Variants in MAP2K5 observed in about 807,000 individuals in gnomAD.
The protein encoded by MAP2K5 is dual specificity mitogen-activated protein kinase kinase 5.
Under a neutral mutation model 83.1 loss-of-function variants are expected in MAP2K5, and 49 were observed. That is an observed-to-expected ratio of 0.59 (90% CI 0.47 to 0.75). The LOEUF is 0.75. MAP2K5 is among the 30% of genes least tolerant of loss of function. The pLI is 0.00. For synonymous variants in MAP2K5, 202 were observed against 191.8 expected (o/e 1.05, Z -0.44); for missense variants, 457 against 557.5 (o/e 0.82, Z 1.82).
At position 67,770,890 on chromosome 15, in the gene MAP2K5, T is replaced by G. The variant is rs1423158519; in HGVS notation, c.1196+1227T>G. On this transcript the variant is annotated intron_variant, in intron 20 of 21. Transcript: ENST00000178640. This position sits in a 1 kb window ranked among gnomAD's most constrained non-coding sequence, Gnocchi z 5.0. ...AATTTTTCTCCCCAATTAAAAAAAT[T>G]TTATTAACACTGTTTCTATTTATTT... is the stretch of plus-strand genomic sequence containing the variant. Among the ~76,000 whole-genome samples, 3 of 152,176 alleles carry G rather than the reference T, an allele frequency of 2.0e-5. No homozygotes were observed. Among genetic ancestry groups the G allele is most frequent in the Non-Finnish European group, 2.9e-5 (2 of 68,026 alleles).
At chr15:67,664,231 C>T (rs760382571) in intron 12 of MAP2K5, among the ~76,000 whole-genome samples, 11 of 151,048 alleles carry the variant, frequency 7.3e-5, no homozygotes, top group African/African-American at 2.2e-4. Context: ...TGGTGGCTTA[C>T]GCCTGTAATC....
chr15:67,680,110 A>G (rs1257740715), intron 13 of MAP2K5, among the ~76,000 whole-genome samples: 3 of 152,176 alleles, frequency 2.0e-5, no homozygotes, highest in Non-Finnish European at 2.9e-5. Flanking sequence ...TTCACTTAGC[A>G]TGATGTTTTT....
chr15:67,569,005 C>CAAAAAAAAAA (rs71142380), intron 3 of MAP2K5, among the ~76,000 whole-genome samples: 4 of 91,174 alleles, frequency 4.4e-5, no homozygotes, highest in African/African-American at 4.3e-5. Flanking sequence ...GACTCCATCT[C>CAAAAAAAAAA]AAAAAAAAAA....
In MAP2K5 at chr15:67,778,427, C is replaced by A. The variant is rs2090274480; in HGVS notation, c.1242+5675C>A. Among the ~76,000 whole-genome samples the A allele has an allele frequency of 1.3e-5, 2 of 152,230 alleles. No individual in the cohort carries two copies. The highest frequency in any genetic ancestry group is 4.8e-5 in the African/African-American group (2 of 41,510). ...CAAATGGCTTTGTTTCATTGTTAGA[C>A]CCAAATCTTCTGATCACTGTGAAAG... On this transcript the variant is annotated intron_variant, in intron 21 of 21. Coordinates refer to ENST00000178640, the MANE Select transcript of MAP2K5 (RefSeq NM_145160.3). The surrounding 1 kb of genome is among the most constrained non-coding windows in gnomAD (Gnocchi z 5.0).
rs892231284 is a variant in MAP2K5, at chr15:67,777,428, G to A, written c.1242+4676G>A. Among the ~76,000 whole-genome samples the A allele has an allele frequency of 3.3e-5, 5 of 152,264 alleles. No individual in the cohort carries two copies. The highest frequency in any genetic ancestry group is 4.4e-5 in the Non-Finnish European group (3 of 68,020). On this transcript the variant is annotated intron_variant, in intron 21 of 21. Transcript: ENST00000178640. This position sits in a 1 kb window ranked among gnomAD's most constrained non-coding sequence, Gnocchi z 6.0. ...ATCAGGTCAGAAGAAGCAGCATCCCGGTTTGAGATCAATCGCTGGCTAATA... is the reference window on the plus strand; with the variant it reads ...ATCAGGTCAGAAGAAGCAGCATCCCAGTTTGAGATCAATCGCTGGCTAATA...
At chr15:67,575,919 T>G (rs1472870447) in intron 3 of MAP2K5, among the ~76,000 whole-genome samples, 494 of 74,008 alleles carry the variant, frequency 6.7e-3, no homozygotes, top group Non-Finnish European at 9.2e-3. Context: ...TTTCTTTCTT[T>G]TTTTTTTTTT....
intron 12 of MAP2K5, 76 bp downstream of exon 12, chr15:67,658,690 C>T (rs2087152975): frequency 7.9e-7 from 1 of 1,266,946 alleles, no homozygotes; most frequent in Admixed American, 1.7e-5. Flanking sequence ...CTTATATTCT[C>T]AATGTTTTTT....
intron 15 of MAP2K5, 135 bp from the exon 16 acceptor site, chr15:67,703,200 CAT>C (rs2141215334): frequency 8.0e-6 from 5 of 623,570 alleles, no homozygotes; most frequent in South Asian, 3.7e-5. Context: ...TATATACACA[CAT>C]GTAAAATTGT....
At position 67,640,701 on chromosome 15, in the gene MAP2K5, A is replaced by G. The variant is rs1314188524; in HGVS notation, c.586-5530A>G. 4 of 412,962 alleles carry G rather than the reference A, an allele frequency of 9.7e-6. No individual in the cohort carries two copies. The highest frequency in any genetic ancestry group is 4.3e-5 in the African/African-American group (2 of 46,294). 25.6% of individuals were successfully genotyped at this position (412,962 alleles called of 1,614,324 possible). ...GAAAATCTGTTGCTTTTCCTACTCA[A>G]AATGTTTCTCATGTTATGCTTCTAA... On this transcript the variant is annotated intron_variant, in intron 9 of 21. Transcript: ENST00000178640. The surrounding 1 kb of genome is among the most constrained non-coding windows in gnomAD (Gnocchi z 4.6).
chr15:67,629,705 T>A (rs1014991396), intron 8 of MAP2K5, among the ~76,000 whole-genome samples: 3 of 151,860 alleles, frequency 2.0e-5, no homozygotes, highest in Non-Finnish European at 2.9e-5. Flanking sequence ...ACTTACCAGA[T>A]GAGAGGAAGA....
Position 67,786,945 on chromosome 15 carries a change from G to C in MAP2K5, c.1242+14193G>C, listed in dbSNP as rs573673082. Reference sequence around the variant, plus strand: ...AGAGAAAATGGCACAGGCTGAGACCGGAGGGAACAAGGACAGTGAAGAACC... The same window carrying C: ...AGAGAAAATGGCACAGGCTGAGACCCGAGGGAACAAGGACAGTGAAGAACC... On this transcript the variant is annotated intron_variant, in intron 21 of 21. Coordinates refer to ENST00000178640, the MANE Select transcript of MAP2K5 (RefSeq NM_145160.3). The surrounding 1 kb of genome is among the most constrained non-coding windows in gnomAD (Gnocchi z 4.7). Among the ~76,000 whole-genome samples the C allele has an allele frequency of 6.6e-6, 1 of 152,154 alleles. No individual in the cohort carries two copies. The highest frequency in any genetic ancestry group is 2.4e-5 in the African/African-American group (1 of 41,430).
intron 16 of MAP2K5, among the ~76,000 whole-genome samples, chr15:67,726,998 A>C (rs551195696): frequency 6.6e-6 from 1 of 152,270 alleles, no homozygotes; most frequent in South Asian, 2.1e-4. Flanking sequence ...CAGGAGCTCA[A>C]GACCAGCCTG....
chr15:67,692,321 T>TA (rs946896660), intron 13 of MAP2K5, among the ~76,000 whole-genome samples, 158 bp from the exon 14 acceptor site: 27 of 151,292 alleles, frequency 1.8e-4, no homozygotes, highest in African/African-American at 5.3e-4. Flanking sequence ...TACCTTCGGT[T>TA]AAAAAAAAAT....
At chr15:67,608,425 C>T (rs62016163) in intron 8 of MAP2K5, among the ~76,000 whole-genome samples, 2,397 of 152,288 alleles carry the variant, frequency 0.016, 38 homozygotes, top group African/African-American at 0.034. Flanking sequence ...ATGTTGGGGA[C>T]AGCCTAGCCT....
intron 2 of MAP2K5, among the ~76,000 whole-genome samples, chr15:67,550,802 C>G (rs2084494335): frequency 6.7e-6 from 1 of 148,546 alleles, no homozygotes; most frequent in Non-Finnish European, 1.5e-5. Context: ...CGCAGACTCT[C>G]ACTGTGTTGC....
intron 15 of MAP2K5, among the ~76,000 whole-genome samples, chr15:67,703,082 G>C (rs1255435689): frequency 6.6e-6 from 1 of 152,160 alleles, no homozygotes; most frequent in African/African-American, 2.4e-5. Context: ...TTCTTCATCT[G>C]TGAAATGACT....
intron 13 of MAP2K5, among the ~76,000 whole-genome samples, chr15:67,669,795 C>CAA (rs35931405): frequency 1.3e-5 from 2 of 152,072 alleles, no homozygotes; most frequent in African/African-American, 4.8e-5. Flanking sequence ...GAGATAACAA[C>CAA]AAAAAACCTG....
chr15:67,552,340 A>G lies in MAP2K5; in HGVS notation c.184+2258A>G, dbSNP rs2084527604. 6.6e-6 allele frequency among the ~76,000 whole-genome samples: 1 copy of G among 152,180 alleles called. No homozygotes were observed. The highest frequency in any genetic ancestry group is 6.5e-5 in the Admixed American group (1 of 15,276). On this transcript the variant is annotated intron_variant, in intron 2 of 21. Transcript: ENST00000178640. This position sits in a 1 kb window ranked among gnomAD's most constrained non-coding sequence, Gnocchi z 4.2. ...CCACGGGTTTCATGGACAGTCTGATAGTTAACATTCGGAGTACTTACTGTT... is the reference window on the plus strand; with the variant it reads ...CCACGGGTTTCATGGACAGTCTGATGGTTAACATTCGGAGTACTTACTGTT...
chr15:67,592,187 A>C (rs943909723), intron 6 of MAP2K5, among the ~76,000 whole-genome samples: 2 of 151,510 alleles, frequency 1.3e-5, no homozygotes, highest in South Asian at 2.1e-4. Context: ...ATATATGTTC[A>C]GAAAACACTT....
Sources: allele counts gnomAD v4.1 joint callset (sites outside exome capture counted in the v4.1 genomes callset), GRCh38; gene constraint gnomAD v4.1.1; non-coding constraint Gnocchi (gnomAD v3.1); transcripts MANE v1.5; gene names NCBI Gene and HGNC (gene_info 2026-07-23, HGNC 2026-07-21).